ANK3: variants seen among roughly 807,000 people sequenced by gnomAD.
The protein encoded by ANK3 is ankyrin-3.
A neutral mutation model predicts 370.9 loss-of-function variants in ANK3; 57 were observed. The observed-to-expected ratio is 0.15, with a 90% CI of 0.12 to 0.19. The LOEUF (loss-of-function observed/expected upper bound fraction) is 0.19, where lower values mean the gene tolerates loss of function less well. Among genes scored for constraint, ANK3 ranks in the 10% least tolerant of loss-of-function variants. The pLI is 1.00. For synonymous variants in ANK3, 1,929 were observed against 1,946.3 expected (o/e 0.99, Z 0.23); for missense variants, 4,439 against 5,302.1 (o/e 0.84, Z 5.06).
intron 25 of ANK3, among the ~76,000 whole-genome samples, chr10:60,118,088 C>T (rs1043688060): frequency 2.6e-5 from 4 of 152,208 alleles, no homozygotes; most frequent in East Asian, 3.9e-4. Flanking sequence ...GCACATCATA[C>T]GAGTTATCAA....
intron 43 of ANK3, among the ~76,000 whole-genome samples, chr10:60,032,194 CTTTTTTTTTTTTT>C (rs552219776): frequency 2.6e-3 from 112 of 43,136 alleles, no homozygotes; most frequent in African/African-American, 8.8e-3. Flanking sequence ...TACACAGCTT[CTTTTTTTTTTTTT>C]TTTTTTTTTT....
intron 40 of ANK3, chr10:60,060,873 T>C (rs7893313): frequency 0.61 from 92,035 of 151,924 alleles, 28,134 homozygotes; most frequent in Admixed American, 0.67. Flanking sequence ...CTATGAAACA[T>C]AGAGTTTATT....
chr10:60,440,335 C>A (rs1435958389), intron 2 of ANK3, among the ~76,000 whole-genome samples: 1 of 152,122 alleles, frequency 6.6e-6, no homozygotes, highest in African/African-American at 2.4e-5. Context: ...ATACTTGACT[C>A]ACAGTTATGC....
At chr10:60,493,105 A>C (rs1473707437) in intron 2 of ANK3, among the ~76,000 whole-genome samples, 1 of 151,478 alleles carries the variant, frequency 6.6e-6, no homozygotes, top group Non-Finnish European at 1.5e-5. Flanking sequence ...AAAAGAAAAG[A>C]AAAGCTGACT....
chr10:60,526,421 A>G (rs746158261), intron 2 of ANK3, among the ~76,000 whole-genome samples: 2 of 152,138 alleles, frequency 1.3e-5, no homozygotes, highest in African/African-American at 2.4e-5. Context: ...CTCTGCTTCT[A>G]TACATTGGAG....
chr10:60,056,687 TA>T (rs2079237359), intron 41 of ANK3, among the ~76,000 whole-genome samples: 1 of 152,080 alleles, frequency 6.6e-6, no homozygotes, highest in Non-Finnish European at 1.5e-5. Flanking sequence ...CCACCAATCT[TA>T]AAGGAGAAGA....
At chr10:60,600,556 ATG>A (rs1380314972) in intron 2 of ANK3, among the ~76,000 whole-genome samples, 16 of 152,072 alleles carry the variant, frequency 1.1e-4, no homozygotes, top group Admixed American at 2.0e-4. Flanking sequence ...TTAATTTTTA[ATG>A]TGTTTATTCT....
Position 60,278,861 on chromosome 10 carries a change from T to G in ANK3, c.327A>C (p.Thr109=). 6.2e-7 allele frequency: 1 copy of G among 1,613,890 alleles called. No homozygotes were observed. Among genetic ancestry groups the G allele is most frequent in the African/African-American group, 1.3e-5 (1 of 75,028 alleles). Residue 109 remains threonine, a synonymous_variant, in exon 4 of 44, where the codon ACA becomes ACC. Transcript: ENST00000280772. ...NVDAATKKGN[T]ALHIASLAGQ... ...CAGCCAAAGATGCGATGTGCAATGC[T>G]GTGTTTCCTTTCTGTGAAATGAAAG...
intron 1 of ANK3, among the ~76,000 whole-genome samples, chr10:60,327,848 T>C (rs1391722009): frequency 6.6e-6 from 1 of 152,182 alleles, no homozygotes; most frequent in Non-Finnish European, 1.5e-5. Flanking sequence ...TAGTAAACTG[T>C]ATTGTTAAAG....
intron 38 of ANK3, among the ~76,000 whole-genome samples, chr10:60,066,959 A>T (rs1002521982): frequency 6.6e-6 from 1 of 152,036 alleles, no homozygotes; most frequent in African/African-American, 2.4e-5. Flanking sequence ...TCACGCTATT[A>T]CCCAGACTGG....
chr10:60,288,517 G>A (rs2040556085), intron 1 of ANK3, among the ~76,000 whole-genome samples: 1 of 152,156 alleles, frequency 6.6e-6, no homozygotes, highest in South Asian at 2.1e-4. Context: ...GTAGGAGGAG[G>A]CAGGATTTCA....
At chr10:60,401,686 A>G (rs565089340) in intron 2 of ANK3, among the ~76,000 whole-genome samples, 1 of 152,362 alleles carries the variant, frequency 6.6e-6, no homozygotes, top group South Asian at 2.1e-4. Context: ...GTCCTCTTCT[A>G]TAACTTTTAA....
At chr10:60,680,038 G>A (rs2079173975) in intron 1 of ANK3, among the ~76,000 whole-genome samples, 2 of 150,794 alleles carry the variant, frequency 1.3e-5, no homozygotes, top group African/African-American at 2.4e-5. Flanking sequence ...AGGAGGTGGA[G>A]GCACAAGAAT....
chr10:60,043,005 G>A (rs1209074106), intron 42 of ANK3: 27 of 1,274,452 alleles, frequency 2.1e-5, no homozygotes, highest in Non-Finnish European at 2.6e-5. Context: ...GTAAGTTAGT[G>A]ATAAATCAAA....
intron 1 of ANK3, among the ~76,000 whole-genome samples, chr10:60,624,095 T>C (rs1202351144): frequency 6.6e-6 from 1 of 151,986 alleles, no homozygotes; most frequent in Non-Finnish European, 1.5e-5. Flanking sequence ...AAACTACCTT[T>C]TGAGTGCTAT....
chr10:60,609,544 T>C (rs938376351), intron 2 of ANK3, among the ~76,000 whole-genome samples: 2 of 152,222 alleles, frequency 1.3e-5, no homozygotes, highest in Admixed American at 6.5e-5. Flanking sequence ...TTCCTTTTTT[T>C]TTTTCCTTGC....
At chr10:60,173,533 T>C (rs1350980670) in intron 18 of ANK3, among the ~76,000 whole-genome samples, 2 of 152,228 alleles carry the variant, frequency 1.3e-5, no homozygotes, top group Admixed American at 6.5e-5. Context: ...GAGCACTTTA[T>C]GGAGACTTGA....
chr10:60,668,017 C>T (rs899052665), intron 1 of ANK3, among the ~76,000 whole-genome samples: 1 of 151,492 alleles, frequency 6.6e-6, no homozygotes. Context: ...AAATCCACTT[C>T]TAGCAAATTC....
chr10:60,733,514 C>G (rs904034100), upstream of ANK3: 14 of 438,396 alleles, frequency 3.2e-5, no homozygotes, highest in Non-Finnish European at 5.2e-5. Flanking sequence ...GCCAGGTGCC[C>G]GCGCGGGCCG....
Sources: gnomAD v4.1 joint callset for allele counts (sites outside exome capture counted in the v4.1 genomes callset) on GRCh38, gnomAD v4.1.1 for gene constraint, MANE v1.5 for transcripts, NCBI Gene and HGNC (gene_info 2026-07-23, HGNC 2026-07-21) for gene names.